GPM6A: variants seen among roughly 807,000 people sequenced by gnomAD.
The protein encoded by GPM6A is glycoprotein M6A.
Under a neutral mutation model 32.1 loss-of-function variants are expected in GPM6A, and 7 were observed. The ratio of observed to expected loss-of-function variants is 0.22; its 90% confidence interval spans 0.12 to 0.41. The LOEUF (loss-of-function observed/expected upper bound fraction) is 0.41, where lower values mean the gene tolerates loss of function less well. Ranked by LOEUF, GPM6A falls within the 10% of genes least tolerant of loss-of-function variation. The pLI is 1.00. For synonymous variants in GPM6A, 130 were observed against 123.4 expected, an observed-to-expected ratio of 1.05 and a Z score of -0.35; for missense variants, 235 against 347.2, an observed-to-expected ratio of 0.68 and a Z score of 2.57.
chr4:175,946,998 G>C (rs1480064440), intron 1 of GPM6A, among the ~76,000 whole-genome samples: 1 of 152,094 alleles, frequency 6.6e-6, no homozygotes, highest in Non-Finnish European at 1.5e-5. Context: ...GCCTGCATTT[G>C]AAAATGCTTC....
At position 175,701,586 on chromosome 4, in the gene GPM6A, A is replaced by G; in HGVS notation, c.219T>C (p.Asp73=). The G allele has an allele frequency of 1.9e-6, 3 of 1,612,284 alleles. No homozygotes were observed. The highest frequency in any genetic ancestry group is 2.5e-6 in the Non-Finnish European group (3 of 1,178,356). Residue 73 remains aspartate (D), a synonymous_variant, in exon 2 of 7, where the codon GAT becomes GAC. Transcript: ENST00000393658. Reference sequence around the variant, plus strand: ...CTAGAGTGACTTACATGGTAAAAACATCCAGTGTGTCTCCAGCAGTTCTTG... The same window carrying G: ...CTAGAGTGACTTACATGGTAAAAACGTCCAGTGTGTCTCCAGCAGTTCTTG... ...EMARTAGDTL[D]VFTMIDIFKY...
At chr4:175,808,107 G>T (rs368044721) in intron 1 of GPM6A, among the ~76,000 whole-genome samples, 428 of 152,214 alleles carry the variant, frequency 2.8e-3, no homozygotes, top group Non-Finnish European at 5.1e-3. Flanking sequence ...GATTATAGTG[G>T]TGTCTCTTCT....
chr4:175,773,206 A>G (rs1334940615), intron 1 of GPM6A, among the ~76,000 whole-genome samples: 1 of 152,216 alleles, frequency 6.6e-6, no homozygotes, highest in Non-Finnish European at 1.5e-5. Flanking sequence ...ACAATTTTCT[A>G]TATGTGAGGC....
At chr4:175,897,473 A>G (rs1737832300) in intron 1 of GPM6A, among the ~76,000 whole-genome samples, 1 of 152,198 alleles carries the variant, frequency 6.6e-6, no homozygotes, top group East Asian at 1.9e-4. Flanking sequence ...GGGAGAGGTG[A>G]GGAATGGACC....
intron 1 of GPM6A, among the ~76,000 whole-genome samples, chr4:175,964,542 T>C (rs184368497): frequency 1.3e-5 from 2 of 152,344 alleles, no homozygotes; most frequent in East Asian, 1.9e-4. Flanking sequence ...GGCTTGAAGA[T>C]GGCCACTTTC....
intron 1 of GPM6A, among the ~76,000 whole-genome samples, chr4:175,839,155 T>C (rs1216437694): frequency 1.3e-5 from 2 of 152,210 alleles, no homozygotes; most frequent in African/African-American, 2.4e-5. Context: ...TGGTATTGGT[T>C]CAAGACAGCC....
chr4:175,872,428 G>A, intron 1 of GPM6A, among the ~76,000 whole-genome samples: 1 of 152,154 alleles, frequency 6.6e-6, no homozygotes, highest in Admixed American at 6.5e-5. Flanking sequence ...TTCAACCCAG[G>A]ACACACTAAA....
At position 175,966,104 on chromosome 4, in the gene GPM6A, C is replaced by T. The variant is rs1202495443; in HGVS notation, c.-23+36205G>A. ...TTGCAATGAAATGAACATTTTTGTGCCCTTAAAATTTATATTTTCAGGCTT... is the reference window on the plus strand; with the variant it reads ...TTGCAATGAAATGAACATTTTTGTGTCCTTAAAATTTATATTTTCAGGCTT... On this transcript the variant is annotated intron_variant, in intron 1 of 7. Transcript: ENST00000280187. Among the ~76,000 whole-genome samples, 3 of 152,100 alleles carry T rather than the reference C, an allele frequency of 2.0e-5. No individual in the cohort carries two copies. In the East Asian group the frequency reaches 5.8e-4, roughly 29 times the overall value.
intron 3 of GPM6A, among the ~76,000 whole-genome samples, chr4:175,665,556 G>A (rs892581755): frequency 6.6e-5 from 10 of 152,124 alleles, no homozygotes; most frequent in Admixed American, 4.6e-4. Flanking sequence ...TGAGGCGGGC[G>A]GATCACCTGA....
chr4:175,804,152 C>T (rs1169693250), intron 1 of GPM6A, among the ~76,000 whole-genome samples: 1 of 152,092 alleles, frequency 6.6e-6, no homozygotes, highest in Non-Finnish European at 1.5e-5. Context: ...TCAAACATTG[C>T]TCAATCCTTA....
intron 1 of GPM6A, among the ~76,000 whole-genome samples, chr4:175,882,342 A>C (rs1342221322): frequency 3.6e-4 from 55 of 152,042 alleles, no homozygotes; most frequent in Admixed American, 3.5e-3. Flanking sequence ...TGAGCAATAA[A>C]ATTATTTTAT....
intron 1 of GPM6A, among the ~76,000 whole-genome samples, chr4:175,923,687 G>C (rs1209543354): frequency 6.6e-6 from 1 of 152,042 alleles, no homozygotes; most frequent in Non-Finnish European, 1.5e-5. Flanking sequence ...CCAAGTAGCT[G>C]AGACCACAGG....
At chr4:175,988,482 T>C (rs1340412934) in intron 1 of GPM6A, among the ~76,000 whole-genome samples, 1 of 152,160 alleles carries the variant, frequency 6.6e-6, no homozygotes, top group African/African-American at 2.4e-5. Context: ...AGTCATATAT[T>C]CAAAGACTAA....
chr4:175,985,852 C>T (rs569914063), intron 1 of GPM6A, among the ~76,000 whole-genome samples: 2 of 152,016 alleles, frequency 1.3e-5, no homozygotes, highest in South Asian at 4.2e-4. Flanking sequence ...GTCACTAAGG[C>T]TGGAGTGCAG....
In GPM6A at chr4:175,660,528, T is replaced by C. The variant is rs144573291; in HGVS notation, c.388-8541A>G. On this transcript the variant is annotated intron_variant, in intron 3 of 6. Transcript: ENST00000393658. Reference sequence around the variant, plus strand: ...TAGACATACTCTTGGCTTGTAAATATTTTCTTAGAAATATAATGCTGAATA... The same window carrying C: ...TAGACATACTCTTGGCTTGTAAATACTTTCTTAGAAATATAATGCTGAATA... 2.6e-4 allele frequency among the ~76,000 whole-genome samples: 40 copies of C among 152,294 alleles called. 1 individual carries two copies. In the East Asian group the frequency reaches 7.5e-3, roughly 29 times the overall value.
chr4:175,681,695 C>A (rs1350032949), intron 2 of GPM6A, among the ~76,000 whole-genome samples: 1 of 152,032 alleles, frequency 6.6e-6, no homozygotes, highest in Non-Finnish European at 1.5e-5. Flanking sequence ...TGTGCCTGCT[C>A]CCCCTTCACC....
chr4:175,848,270 G>C (rs7696221), intron 1 of GPM6A, among the ~76,000 whole-genome samples: 46,725 of 151,966 alleles, frequency 0.31, 7,269 homozygotes, highest in East Asian at 0.36. Flanking sequence ...CTAGTTTTGA[G>C]AATAGCAGCC....
intron 1 of GPM6A, among the ~76,000 whole-genome samples, chr4:175,926,113 A>C (rs1246675354): frequency 1.3e-5 from 2 of 152,050 alleles, no homozygotes; most frequent in Non-Finnish European, 2.9e-5. Context: ...TGGCCTCCCA[A>C]AGTGTTGGGA....
chr4:175,818,332 T>C (rs564869468), intron 1 of GPM6A, among the ~76,000 whole-genome samples: 18 of 152,206 alleles, frequency 1.2e-4, no homozygotes, highest in Non-Finnish European at 2.4e-4. Flanking sequence ...CTGGAAAGTG[T>C]TATCCTCAGG....
Sources: gnomAD v4.1 joint callset for allele counts (sites outside exome capture counted in the v4.1 genomes callset) on GRCh38, gnomAD v4.1.1 for gene constraint, MANE v1.5 for transcripts, NCBI Gene and HGNC (gene_info 2026-07-23, HGNC 2026-07-21) for gene names.